Variants in PIK3C2G observed in about 807,000 individuals in gnomAD.
PIK3C2G encodes phosphatidylinositol-4-phosphate 3-kinase catalytic subunit type 2 gamma, also known as phosphatidylinositol 3-kinase C2 domain-containing subunit gamma.
Under a neutral mutation model 181.1 loss-of-function variants are expected in PIK3C2G, and 168 were observed. The ratio of observed to expected loss-of-function variants is 0.93; its 90% CI spans 0.82 to 1.05. The LOEUF (loss-of-function observed/expected upper bound fraction) is 1.05. Ranked by LOEUF, PIK3C2G falls within the 50% of genes least tolerant of loss-of-function variation. The pLI, the probability that PIK3C2G is intolerant of heterozygous loss-of-function variation, is 0.00. For synonymous variants in PIK3C2G, 573 were observed against 592.2 expected (o/e 0.97, Z 0.47); for missense variants, 1,869 against 1,732.8 (o/e 1.08, Z -1.40).
intron 25 of PIK3C2G, among the ~76,000 whole-genome samples, chr12:18,545,418 CATT>C: frequency 6.6e-6 from 1 of 151,926 alleles, no homozygotes; most frequent in South Asian, 2.1e-4. Context: ...TCGATAGTAT[CATT>C]CTTAACATCT....
At chr12:18,508,022 T>C (rs1941952923) in intron 24 of PIK3C2G, among the ~76,000 whole-genome samples, 1 of 152,196 alleles carries the variant, frequency 6.6e-6, no homozygotes, top group Non-Finnish European at 1.5e-5. Context: ...CATAATCGGT[T>C]CTTAATATTT....
At chr12:18,288,482 A>G (rs558046266) in intron 3 of PIK3C2G, among the ~76,000 whole-genome samples, 1 of 152,322 alleles carries the variant, frequency 6.6e-6, no homozygotes, top group South Asian at 2.1e-4. Context: ...GATACAAAAC[A>G]AATCACCTCA....
At chr12:18,595,457 A>T (rs912002302) in intron 30 of PIK3C2G, among the ~76,000 whole-genome samples, 6 of 152,142 alleles carry the variant, frequency 3.9e-5, no homozygotes, top group Admixed American at 3.9e-4. Context: ...TGGATTCCAG[A>T]TACCTGTGTA....
At chr12:18,295,144 TAATA>T (rs1165428590) in intron 5 of PIK3C2G, among the ~76,000 whole-genome samples, 1 of 150,574 alleles carries the variant, frequency 6.6e-6, no homozygotes, top group Non-Finnish European at 1.5e-5. Context: ...ATAAACAAAA[TAATA>T]AATATTTATA....
At chr12:18,541,097 C>A (rs1198957973) in intron 25 of PIK3C2G, among the ~76,000 whole-genome samples, 1 of 151,884 alleles carries the variant, frequency 6.6e-6, no homozygotes, top group Non-Finnish European at 1.5e-5. Context: ...ATGTTAAATT[C>A]TTTAAAAAGA....
downstream of PIK3C2G, among the ~76,000 whole-genome samples, chr12:18,649,379 T>C (rs1337988566): frequency 1.3e-5 from 2 of 152,128 alleles, no homozygotes; most frequent in African/African-American, 4.8e-5. Flanking sequence ...TTTGATCCCA[T>C]CTCCTCTGAC....
the PIK3C2G span, chr12:18,705,248 G>A: frequency 6.2e-7 from 1 of 1,614,006 alleles, no homozygotes; most frequent in Non-Finnish European, 8.5e-7. Flanking sequence ...CAAATTGTCT[G>A]CCATTACTTC....
chr12:18,433,010 G>A (rs1045459816), intron 18 of PIK3C2G, among the ~76,000 whole-genome samples: 5 of 151,372 alleles, frequency 3.3e-5, no homozygotes, highest in Non-Finnish European at 5.9e-5. Context: ...GAGCAAAACT[G>A]AAATGAAAAC....
chr12:18,282,147 A>T lies in PIK3C2G; in HGVS notation c.66A>T (p.Gln22His). Residue 22 changes from glutamine to histidine, a missense_variant, in exon 2 of 33, where the codon CAA becomes CAT. By Grantham distance (24) the Gln-to-His change is conservative. Coordinates refer to ENST00000538779, the MANE Select transcript of PIK3C2G (RefSeq NM_001288772.2). ...CACACGAAAAGCAGTATGAACACCA[A>T]GAATTTCTCTTTGTAAATCAACCCC... is the stretch of plus-strand genomic sequence containing the variant. ...NESHEKQYEH[Q>H]EFLFVNQPHS... 1 of 1,610,498 alleles carries T rather than the reference A, an allele frequency of 6.2e-7. No homozygotes were observed. Among genetic ancestry groups the T allele is most frequent in the South Asian group, 1.1e-5 (1 of 90,712 alleles).
At chr12:18,687,339 C>A in the PIK3C2G span, among the ~76,000 whole-genome samples, 4 of 152,234 alleles carry the variant, frequency 2.6e-5, no homozygotes, top group East Asian at 5.8e-4. Context: ...TTTCTAGACT[C>A]TGGAATGAAG....
At chr12:18,297,166 T>C (rs542696943) in intron 5 of PIK3C2G, among the ~76,000 whole-genome samples, 1 of 152,196 alleles carries the variant, frequency 6.6e-6, no homozygotes, top group African/African-American at 2.4e-5. Flanking sequence ...TCTCTCTTTT[T>C]GACAGGGAGT....
the PIK3C2G span, chr12:18,719,363 T>G: frequency 1.0e-5 from 9 of 898,858 alleles, no homozygotes; most frequent in Non-Finnish European, 1.4e-5. Flanking sequence ...TCTTGCCTAC[T>G]GAGGTAGACA....
At chr12:18,441,927 CT>C (rs890634940) in intron 18 of PIK3C2G, among the ~76,000 whole-genome samples, 2 of 151,928 alleles carry the variant, frequency 1.3e-5, no homozygotes, top group African/African-American at 4.8e-5. Flanking sequence ...TTTTAATTTC[CT>C]ACGTCTATCT....
chr12:18,460,689 C>A (rs1327057790), intron 18 of PIK3C2G, among the ~76,000 whole-genome samples: 1 of 147,872 alleles, frequency 6.8e-6, no homozygotes, highest in Non-Finnish European at 1.5e-5. Context: ...TCACTCAGTA[C>A]ATCTTAGCTA....
chr12:18,398,848 G>C (rs374098778), intron 15 of PIK3C2G, among the ~76,000 whole-genome samples: 3 of 152,312 alleles, frequency 2.0e-5, no homozygotes, highest in African/African-American at 7.2e-5. Flanking sequence ...CAACAGCAAA[G>C]ATTTCTTAAC....
chr12:18,418,988 C>T (rs1399529648), intron 16 of PIK3C2G, among the ~76,000 whole-genome samples: 3 of 151,976 alleles, frequency 2.0e-5, no homozygotes, highest in Non-Finnish European at 4.4e-5. Context: ...CATTTTAAGT[C>T]TATGTAATTG....
intron 28 of PIK3C2G, among the ~76,000 whole-genome samples, chr12:18,566,576 A>C (rs1945647922): frequency 6.6e-6 from 1 of 152,236 alleles, no homozygotes; most frequent in African/African-American, 2.4e-5. Context: ...TAGTGAACCC[A>C]GAAGAAACAA....
At chr12:18,709,422 T>G in the PIK3C2G span, among the ~76,000 whole-genome samples, 40 of 152,310 alleles carry the variant, frequency 2.6e-4, 1 homozygote, top group African/African-American at 9.4e-4. Context: ...TACTATAGCT[T>G]TGTAACATAA....
intron 16 of PIK3C2G, among the ~76,000 whole-genome samples, chr12:18,408,227 A>C (rs1340547689): frequency 1.3e-5 from 2 of 152,082 alleles, no homozygotes; most frequent in African/African-American, 4.8e-5. Context: ...ATCTATGTTG[A>C]GTCAATTTTT....
Sources: gnomAD v4.1 joint callset for allele counts (sites outside exome capture counted in the v4.1 genomes callset) on GRCh38, gnomAD v4.1.1 for gene constraint, MANE v1.5 for transcripts, NCBI Gene and HGNC (gene_info 2026-07-23, HGNC 2026-07-21) for gene names.